The following RBFOX3 variants were observed in gnomAD, a reference collection of about 807,000 sequenced individuals.
The protein encoded by RBFOX3 is RNA binding protein fox-1 homolog 3.
In RBFOX3, 17 loss-of-function variants were observed where a neutral mutation model predicts 48.7. The observed-to-expected ratio is 0.35, with a 90% CI of 0.24 to 0.52. The LOEUF is 0.52. Ranked by LOEUF, RBFOX3 falls within the 20% of genes least tolerant of loss-of-function variation. The pLI is 0.94. For missense variants in RBFOX3, 382 were observed against 497.5 expected, an observed-to-expected ratio of 0.77 and a Z score of 2.21; for synonymous variants, 212 against 209.5, an observed-to-expected ratio of 1.01 and a Z score of -0.10.
intron 2 of RBFOX3, among the ~76,000 whole-genome samples, chr17:79,413,183 C>T (rs1157823942): frequency 2.0e-5 from 3 of 152,204 alleles, no homozygotes; most frequent in Non-Finnish European, 2.9e-5. Context: ...TCAAATCAGC[C>T]CAGACCCAGC....
intron 3 of RBFOX3, among the ~76,000 whole-genome samples, chr17:79,250,117 G>A (rs1006329415): frequency 3.9e-5 from 6 of 152,164 alleles, no homozygotes; most frequent in Non-Finnish European, 8.8e-5. Context: ...GACTATTACT[G>A]CTCAGCAATT....
the RBFOX3 span, among the ~76,000 whole-genome samples, chr17:79,653,774 T>TA: frequency 6.0e-5 from 9 of 149,566 alleles, no homozygotes; most frequent in Non-Finnish European, 4.4e-5. Flanking sequence ...GTTTTTTTTT[T>TA]AAAGTTAGCT....
chr17:79,416,382 G>A (rs560345092), intron 2 of RBFOX3, among the ~76,000 whole-genome samples: 2 of 152,304 alleles, frequency 1.3e-5, no homozygotes, highest in East Asian at 1.9e-4. Context: ...CTCCTCCCTA[G>A]CAGACCCGCC....
chr17:79,613,512 AAACTTT>A (rs2093982821), upstream of RBFOX3, among the ~76,000 whole-genome samples: 1 of 152,240 alleles, frequency 6.6e-6, no homozygotes, highest in Non-Finnish European at 1.5e-5. Context: ...TCTGATTTGG[AAACTTT>A]AATTTTTAAA....
At chr17:79,628,022 C>T in the RBFOX3 span, among the ~76,000 whole-genome samples, 1 of 151,798 alleles carries the variant, frequency 6.6e-6, no homozygotes, top group South Asian at 2.1e-4. Flanking sequence ...AGGCTCTGCT[C>T]AGGCCTGCTC....
intron 2 of RBFOX3, among the ~76,000 whole-genome samples, chr17:79,393,012 A>G (rs2061534714): frequency 6.6e-6 from 1 of 152,244 alleles, no homozygotes; most frequent in Non-Finnish European, 1.5e-5. Context: ...TTCCAAGTGC[A>G]TCGTGATGGA....
intron 2 of RBFOX3, among the ~76,000 whole-genome samples, chr17:79,438,065 A>G (rs1286267873): frequency 6.6e-6 from 1 of 150,942 alleles, no homozygotes; most frequent in African/African-American, 2.4e-5. Flanking sequence ...GGTATACACA[A>G]GCACACATGT....
At chr17:79,312,118 T>C (rs2076934615) in intron 2 of RBFOX3, among the ~76,000 whole-genome samples, 1 of 152,150 alleles carries the variant, frequency 6.6e-6, no homozygotes, top group Non-Finnish European at 1.5e-5. Context: ...AATCGTTTTC[T>C]GAATCAATTC....
At chr17:79,149,232 G>C (rs575765873) in intron 4 of RBFOX3, among the ~76,000 whole-genome samples, 1 of 152,342 alleles carries the variant, frequency 6.6e-6, no homozygotes, top group South Asian at 2.1e-4. Flanking sequence ...AAAGGCCTGG[G>C]AAGGTGGCAG....
chr17:79,538,164 G>A (rs1555789240), intron 1 of RBFOX3, among the ~76,000 whole-genome samples: 1 of 152,220 alleles, frequency 6.6e-6, no homozygotes, highest in East Asian at 1.9e-4. Flanking sequence ...ACCGACAGAA[G>A]AGGAGCTGCC....
chr17:79,383,933 A>AGG (rs548199451), intron 2 of RBFOX3, among the ~76,000 whole-genome samples: 1 of 150,298 alleles, frequency 6.7e-6, no homozygotes, highest in Non-Finnish European at 1.5e-5. Context: ...GGAATGTCAG[A>AGG]GGGGGGGGCA....
chr17:79,642,732 G>A, the RBFOX3 span, among the ~76,000 whole-genome samples: 818 of 152,122 alleles, frequency 5.4e-3, 10 homozygotes, highest in African/African-American at 0.019. Context: ...GGCCGAGAAG[G>A]AGGTACAAAT....
At chr17:79,639,688 A>G in the RBFOX3 span, among the ~76,000 whole-genome samples, 2 of 152,244 alleles carry the variant, frequency 1.3e-5, no homozygotes, top group African/African-American at 2.4e-5. Flanking sequence ...ATGGTTCAAC[A>G]TACATAAATC....
At chr17:79,276,011 C>A (rs202036370) in intron 3 of RBFOX3, among the ~76,000 whole-genome samples, 36 of 152,248 alleles carry the variant, frequency 2.4e-4, no homozygotes, top group Admixed American at 2.2e-3. Flanking sequence ...ACACTGCAGT[C>A]CATCCACACA....
chr17:79,355,557 A>G (rs1169224139), intron 2 of RBFOX3, among the ~76,000 whole-genome samples: 1 of 151,474 alleles, frequency 6.6e-6, no homozygotes, highest in Admixed American at 6.6e-5. Flanking sequence ...TAAAAGCTGA[A>G]TATACCCCAA....
intron 4 of RBFOX3, among the ~76,000 whole-genome samples, chr17:79,182,852 C>T (rs1032502797): frequency 6.6e-6 from 1 of 151,338 alleles, no homozygotes; most frequent in African/African-American, 2.4e-5. Flanking sequence ...CGCCCCCCGG[C>T]TTTCCCGACG....
chr17:79,558,691 C>T (rs1007820546), intron 1 of RBFOX3, among the ~76,000 whole-genome samples: 5 of 152,266 alleles, frequency 3.3e-5, no homozygotes, highest in East Asian at 1.9e-4. Context: ...CCCTGCCTTG[C>T]GGGGATTGGG....
At chr17:79,312,016 C>T (rs938937547) in intron 2 of RBFOX3, among the ~76,000 whole-genome samples, 4 of 152,214 alleles carry the variant, frequency 2.6e-5, no homozygotes, top group African/African-American at 9.7e-5. Flanking sequence ...CCCTTCTCCT[C>T]CCCCTTCCTG....
chr17:79,586,483 C>A (rs924537665), intron 1 of RBFOX3, among the ~76,000 whole-genome samples: 1 of 152,196 alleles, frequency 6.6e-6, no homozygotes, highest in Non-Finnish European at 1.5e-5. Flanking sequence ...CAAGCTACAG[C>A]GTTTTGGGGC....
Sources: allele counts gnomAD v4.1 joint callset (sites outside exome capture counted in the v4.1 genomes callset), GRCh38; gene constraint gnomAD v4.1.1; transcripts MANE v1.5; gene names NCBI Gene and HGNC (gene_info 2026-07-23, HGNC 2026-07-21).